Variants in SPDYA observed in about 807,000 individuals in gnomAD.
SPDYA encodes the protein speedy protein A.
SPDYA carries 11 observed loss-of-function variants against 36.7 expected under a neutral mutation model. The ratio of observed to expected loss-of-function variants is 0.30; its 90% confidence interval spans 0.19 to 0.50. SPDYA has a LOEUF of 0.50. SPDYA is among the 20% of genes least tolerant of loss of function. SPDYA has a pLI of 0.98. For synonymous variants in SPDYA, 115 were observed against 118.7 expected, an observed-to-expected ratio of 0.97 and a Z score of 0.20; for missense variants, 287 against 370.9, an observed-to-expected ratio of 0.77 and a Z score of 1.86.
At chr2:28,847,888 C>T (rs1271985277) in intron 7 of SPDYA, among the ~76,000 whole-genome samples, 1 of 152,162 alleles carries the variant, frequency 6.6e-6, no homozygotes, top group Non-Finnish European at 1.5e-5. Flanking sequence ...TAGATACACA[C>T]ATACTTACCA....
chr2:28,846,583 A>G (rs1668880685), intron 7 of SPDYA, among the ~76,000 whole-genome samples: 2 of 152,202 alleles, frequency 1.3e-5, no homozygotes. Context: ...GAAGGCTAAC[A>G]TTAGAAGGTA....
intron 7 of SPDYA, among the ~76,000 whole-genome samples, chr2:28,844,932 C>CA (rs2148108897): frequency 6.6e-6 from 1 of 151,194 alleles, no homozygotes; most frequent in African/African-American, 2.4e-5. Context: ...GACTCCATCT[C>CA]AAAAAAGAAA....
intron 7 of SPDYA, among the ~76,000 whole-genome samples, chr2:28,843,778 C>T (rs557421418): frequency 2.0e-4 from 30 of 152,094 alleles, no homozygotes; most frequent in African/African-American, 7.2e-4. Flanking sequence ...CCAGGTAAAA[C>T]AATAACAGAA....
intron 4 of SPDYA, among the ~76,000 whole-genome samples, chr2:28,819,577 GC>G (rs1668080754): frequency 6.6e-6 from 1 of 151,636 alleles, no homozygotes; most frequent in African/African-American, 2.4e-5. Flanking sequence ...CAAAGCAGAA[GC>G]TTTACACATG....
chr2:28,844,288 A>G (rs1305115855), intron 7 of SPDYA, among the ~76,000 whole-genome samples: 2 of 152,168 alleles, frequency 1.3e-5, no homozygotes, highest in East Asian at 1.9e-4. Context: ...TCAAAGTAAG[A>G]TATTAGCTGG....
rs139604395 is a variant in SPDYA, at chr2:28,816,121, G to A, written c.107G>A (p.Arg36His). 22 of 1,613,706 alleles carry A rather than the reference G, an allele frequency of 1.4e-5. No homozygotes were observed. Among genetic ancestry groups the A allele is most frequent in the African/African-American group, 1.3e-4 (10 of 74,852 alleles). The stretch of plus-strand genomic sequence containing the variant: ...CCTAAAAAGCCCATTACTCTGAAGC[G>A]TCCTATTTGTAAAGATAATTGGCAA... ...HQPKKPITLK[R>H]PICKDNWQAF... Residue 36 changes from arginine to histidine, a missense_variant, in exon 3 of 8, where the codon CGT (arginine) becomes CAT (histidine). Physicochemically the swap from Arg to His is conservative, Grantham distance 29. Transcript: ENST00000334056.
At chr2:28,821,607 A>AGT (rs1446800119) in intron 4 of SPDYA, among the ~76,000 whole-genome samples, 1 of 152,190 alleles carries the variant, frequency 6.6e-6, no homozygotes, top group African/African-American at 2.4e-5. Context: ...CGATCTCAAG[A>AGT]GTACTTTACT....
intron 3 of SPDYA, among the ~76,000 whole-genome samples, chr2:28,816,918 T>C (rs949080318): frequency 6.6e-6 from 1 of 151,898 alleles, no homozygotes; most frequent in African/African-American, 2.4e-5. Context: ...AGGGGTAGGA[T>C]AGATGAGTTC....
Position 28,840,364 on chromosome 2 carries a change from T to C in SPDYA, c.745T>C (p.Ser249Pro). ...RLGLSSSSSL[S>P]SHTAGVTEKH... ...GGGATTGTCTTCATCATCATCTTTATCCAGTCATACAGCAGGGGTGACAGA... is the reference window on the plus strand; with the variant it reads ...GGGATTGTCTTCATCATCATCTTTACCCAGTCATACAGCAGGGGTGACAGA... Residue 249 changes from serine to proline, a missense_variant, in exon 7 of 8, where the codon TCC (serine) becomes CCC (proline). Ser to Pro is a moderately conservative substitution (Grantham distance 74). Transcript: ENST00000334056. 6.2e-7 allele frequency: 1 copy of C among 1,611,550 alleles called. No individual in the cohort carries two copies. The highest frequency in any genetic ancestry group is 1.1e-5 in the South Asian group (1 of 90,454).
rs115707334 is a variant in SPDYA at position 28,848,739 on chromosome 2, C to T, written c.851-1111C>T. On this transcript the variant is annotated intron_variant, in intron 7 of 7. Coordinates refer to ENST00000334056, the MANE Select transcript of SPDYA (RefSeq NM_182756.4). ...GTAGCATTTACCCTCCAAGGCATTA[C>T]TATTTTACAGCCCATAAAACAGGCC... 7.8e-3 allele frequency among the ~76,000 whole-genome samples: 1,187 copies of T among 152,254 alleles called. 10 individuals carry two copies. Among genetic ancestry groups the T allele is most frequent in the African/African-American group, 0.027 (1,130 of 41,546 alleles).
chr2:28,819,849 A>AATATATATATAT (rs200009876), intron 4 of SPDYA, among the ~76,000 whole-genome samples: 10 of 17,810 alleles, frequency 5.6e-4, no homozygotes, highest in African/African-American at 7.8e-4. Flanking sequence ...AAAAAAAAAA[A>AATATATATATAT]ATATATATAT....
At chr2:28,815,600 G>C (rs1177987130) in intron 2 of SPDYA, among the ~76,000 whole-genome samples, 2 of 151,780 alleles carry the variant, frequency 1.3e-5, no homozygotes, top group African/African-American at 4.8e-5. Context: ...ATTTGAGGTG[G>C]CATATAACAA....
In SPDYA at chr2:28,840,940, T is replaced by G. The variant is rs56128632; in HGVS notation, c.850+471T>G. The stretch of plus-strand genomic sequence containing the variant: ...AGTCCTCCAAAACCAGTTTTTTTTT[T>G]TTTTTTTTTTTTGAAACAGAGTCTC... On this transcript the variant is annotated intron_variant, in intron 7 of 7. Transcript: ENST00000334056. 9.0e-4 allele frequency: 247 copies of G among 275,314 alleles called. 1 individual carries two copies. Among genetic ancestry groups the G allele is most frequent in the African/African-American group, 5.5e-3 (239 of 43,180 alleles). 17.1% of individuals were successfully genotyped at this position (275,314 alleles called of 1,614,324 possible). A position where few individuals can be genotyped will look rare whatever the true frequency, so the allele number is the denominator to read the frequency against.
At chr2:28,847,913 C>T (rs1052074765) in intron 7 of SPDYA, among the ~76,000 whole-genome samples, 3 of 152,052 alleles carry the variant, frequency 2.0e-5, no homozygotes, top group South Asian at 2.1e-4. Flanking sequence ...CTTATAAATG[C>T]GAATGGTAGT....
chr2:28,838,879 T>C (rs972077016), intron 6 of SPDYA, among the ~76,000 whole-genome samples: 6 of 152,180 alleles, frequency 3.9e-5, no homozygotes, highest in African/African-American at 1.4e-4. Context: ...ACTTTCTAAA[T>C]GTTTTGAAAA....
At chr2:28,832,712 T>C (rs892130517) in intron 6 of SPDYA, among the ~76,000 whole-genome samples, 6 of 152,168 alleles carry the variant, frequency 3.9e-5, no homozygotes, top group Non-Finnish European at 4.4e-5. Flanking sequence ...CTTTTTCTTA[T>C]ATTTGTACCT....
chr2:28,836,385 A>C (rs1668603584), intron 6 of SPDYA, among the ~76,000 whole-genome samples: 1 of 152,208 alleles, frequency 6.6e-6, no homozygotes, highest in Admixed American at 6.5e-5. Flanking sequence ...AGATGCAAAA[A>C]CTGTGGCTTA....
At chr2:28,831,003 T>C (rs1256281802) in intron 6 of SPDYA, among the ~76,000 whole-genome samples, 1 of 152,208 alleles carries the variant, frequency 6.6e-6, no homozygotes, top group African/African-American at 2.4e-5. Context: ...TTCATTAATA[T>C]ACATTGATTT....
chr2:28,839,100 A>G (rs1207471501), intron 6 of SPDYA, among the ~76,000 whole-genome samples: 1 of 152,206 alleles, frequency 6.6e-6, no homozygotes, highest in African/African-American at 2.4e-5. Context: ...GATTTTACTC[A>G]TCTAGTCCTC....
Sources: allele counts gnomAD v4.1 joint callset (sites outside exome capture counted in the v4.1 genomes callset), GRCh38; gene constraint gnomAD v4.1.1; transcripts MANE v1.5; gene names NCBI Gene and HGNC (gene_info 2026-07-23, HGNC 2026-07-21).